The following CWF19L2 variants were observed in gnomAD, a reference collection of about 807,000 sequenced individuals.
CWF19L2 encodes the protein CWF19 like cell cycle control factor 2.
A neutral mutation model predicts 111.7 loss-of-function variants in CWF19L2; 98 were observed. The observed-to-expected ratio is 0.88, with a 90% CI of 0.75 to 1.04. The LOEUF (loss-of-function observed/expected upper bound fraction) is 1.04. Among genes scored for constraint, CWF19L2 ranks in the 50% least tolerant of loss-of-function variants. CWF19L2 has a pLI of 0.00. For synonymous variants in CWF19L2, 351 were observed against 342.9 expected, an observed-to-expected ratio of 1.02 and a Z score of -0.26; for missense variants, 1,101 against 1,051.4, an observed-to-expected ratio of 1.05 and a Z score of -0.65.
At chr11:107,421,177 A>G (rs1301966831) in intron 8 of CWF19L2, among the ~76,000 whole-genome samples, 1 of 152,128 alleles carries the variant, frequency 6.6e-6, no homozygotes, top group African/African-American at 2.4e-5. Context: ...TGGAAACTAA[A>G]TAGCGCAACT....
chr11:107,334,823 AT>A, intron 16 of CWF19L2, 57 bp downstream of exon 16: 4 of 1,081,224 alleles, frequency 3.7e-6, no homozygotes, highest in Non-Finnish European at 4.2e-6. Context: ...AGACATGGAA[AT>A]TAATAAAGAT....
In CWF19L2 at chr11:107,428,895, A is replaced by C. The variant is rs1861418657; in HGVS notation, c.1337T>G (p.Val446Gly). 1 of 1,613,676 alleles carries C rather than the reference A, an allele frequency of 6.2e-7. No individual in the cohort carries two copies. The highest frequency in any genetic ancestry group is 8.5e-7 in the Non-Finnish European group (1 of 1,179,704). ...SETSTDEHQH[V>G]PEDPREKSQD... ...TGATTTTTCTCTTGGGTCTTCTGGA[A>C]CATGTTGGTGTTCATCAGTACTGGT... Residue 446 changes from valine (V) to glycine (G), a missense_variant, in exon 8 of 18, where the codon GTT becomes GGT. By Grantham distance (109) the Val-to-Gly change is moderately radical. Coordinates refer to ENST00000282251, the MANE Select transcript of CWF19L2 (RefSeq NM_152434.3).
At chr11:107,330,916 G>A (rs572248813) in intron 16 of CWF19L2, among the ~76,000 whole-genome samples, 78 of 152,054 alleles carry the variant, frequency 5.1e-4, no homozygotes, top group Non-Finnish European at 9.1e-4. Context: ...TACAAATTGT[G>A]TATTGTGTCC....
chr11:107,411,732 C>A (rs1365135482), intron 10 of CWF19L2, among the ~76,000 whole-genome samples: 1 of 152,050 alleles, frequency 6.6e-6, no homozygotes, highest in Non-Finnish European at 1.5e-5. Context: ...ACATTTAATG[C>A]CCCTTCGGAT....
At chr11:107,371,581 C>T (rs1236363040) in intron 12 of CWF19L2, among the ~76,000 whole-genome samples, 1 of 96,168 alleles carries the variant, frequency 1.0e-5, no homozygotes, top group Non-Finnish European at 2.0e-5. Flanking sequence ...ATTTGTTAAA[C>T]ATGAGGTTCT....
At chr11:107,441,199 A>G (rs75070414) in intron 5 of CWF19L2, among the ~76,000 whole-genome samples, 26 of 152,170 alleles carry the variant, frequency 1.7e-4, no homozygotes, top group Admixed American at 9.2e-4. Context: ...CATGGTGTCT[A>G]ATTCAGTATG....
rs567480368 is a variant in CWF19L2, at chr11:107,446,693, A to G, written c.340-3644T>C. Among the ~76,000 whole-genome samples, 4 of 152,326 alleles carry G rather than the reference A, an allele frequency of 2.6e-5. No individual in the cohort carries two copies. In the East Asian group the frequency reaches 7.7e-4, roughly 29 times the overall value. On this transcript the variant is annotated intron_variant, in intron 3 of 17. Transcript: ENST00000282251. ...ATGTCTAGAACAGTGTCTGGCAAAG[A>G]ATAAGCATTTGATAAATGCAAGCTG...
chr11:107,454,631 G>T, intron 2 of CWF19L2, 59 bp from the exon 3 acceptor site: 5 of 1,161,100 alleles, frequency 4.3e-6, no homozygotes, highest in African/African-American at 1.6e-5. Context: ...TTAAAAGGAT[G>T]TATTCTGAGA....
chr11:107,456,373 C>G (rs1861855385), intron 1 of CWF19L2, among the ~76,000 whole-genome samples: 1 of 152,110 alleles, frequency 6.6e-6, no homozygotes, highest in Non-Finnish European at 1.5e-5. Context: ...CATATCTCTA[C>G]TATAAGATTT....
Position 107,370,654 on chromosome 11 carries a change from T to C in CWF19L2, c.1873-16918A>G, listed in dbSNP as rs974085917. Among the ~76,000 whole-genome samples, 3 of 137,044 alleles carry C rather than the reference T, an allele frequency of 2.2e-5. 1 individual carries two copies. The highest frequency in any genetic ancestry group is 4.7e-5 in the Non-Finnish European group (3 of 64,098). The allele number at this position is 137,044 out of a possible 152,430, so 89.9% of individuals were successfully genotyped here. On this transcript the variant is annotated intron_variant, in intron 12 of 17. Coordinates refer to ENST00000282251, the MANE Select transcript of CWF19L2 (RefSeq NM_152434.3). ...CTTAAACACTGAAAATGGAAGTGGA[T>C]ATTTCAGATGCCATAAATAGCATGA...
At chr11:107,332,925 G>A (rs1859870853) in intron 16 of CWF19L2, among the ~76,000 whole-genome samples, 1 of 152,032 alleles carries the variant, frequency 6.6e-6, no homozygotes, top group East Asian at 1.9e-4. Flanking sequence ...TTCGAGACCA[G>A]CCTGACCAAC....
intron 16 of CWF19L2, among the ~76,000 whole-genome samples, chr11:107,333,688 T>C (rs994210693): frequency 2.6e-5 from 4 of 152,212 alleles, no homozygotes; most frequent in Admixed American, 6.5e-5. Flanking sequence ...TAGATAATGT[T>C]GTACCTCTAA....
intron 12 of CWF19L2, among the ~76,000 whole-genome samples, chr11:107,357,385 T>C (rs1860254138): frequency 6.6e-6 from 1 of 152,224 alleles, no homozygotes; most frequent in Non-Finnish European, 1.5e-5. Context: ...CCAAAATATA[T>C]TAACAGGAGC....
Position 107,390,124 on chromosome 11 carries a change from T to A in CWF19L2, c.1822A>T (p.Met608Leu), listed in dbSNP as rs1197544774. The change falls in exon 12 of 18, where the codon ATG becomes TTG. Residue 608 changes from methionine to leucine, a missense_variant. By Grantham distance (15) the Met-to-Leu change is conservative. Transcript: ENST00000282251. ...SLNDLVKNEK[M>L]GTAENQNKLF... ...TTGTTTTGATTTTCTGCTGTTCCCA[T>A]CTTTTCATTTTTGACTAAATCATTT... The A allele has an allele frequency of 1.2e-6, 2 of 1,613,010 alleles. No individual in the cohort carries two copies. Among genetic ancestry groups the A allele is most frequent in the Middle Eastern group, 1.7e-4 (1 of 6,044 alleles).
At chr11:107,359,754 C>A (rs193289258) in intron 12 of CWF19L2, among the ~76,000 whole-genome samples, 1 of 151,444 alleles carries the variant, frequency 6.6e-6, no homozygotes, top group South Asian at 2.1e-4. Context: ...ACCCCATCTA[C>A]ATTTTACAAA....
chr11:107,411,089 G>GCGCGCACACACA (rs1491125517), intron 10 of CWF19L2, among the ~76,000 whole-genome samples: 4 of 148,692 alleles, frequency 2.7e-5, no homozygotes, highest in African/African-American at 1.0e-4. Context: ...GCGCGTGCGT[G>GCGCGCACACACA]CACACACACA....
chr11:107,388,044 T>C (rs1162100295), intron 12 of CWF19L2, among the ~76,000 whole-genome samples: 1 of 152,176 alleles, frequency 6.6e-6, no homozygotes. Context: ...CTGTTTCTTC[T>C]ACTTGAAATA....
intron 17 of CWF19L2, among the ~76,000 whole-genome samples, chr11:107,328,195 G>A (rs545248590): frequency 2.2e-4 from 33 of 150,948 alleles, no homozygotes; most frequent in African/African-American, 7.1e-4. Context: ...ATGCTTCATG[G>A]AAAAGGGAAT....
intron 1 of CWF19L2, among the ~76,000 whole-genome samples, chr11:107,457,297 A>T (rs968861600): frequency 6.6e-6 from 1 of 152,212 alleles, no homozygotes; most frequent in Non-Finnish European, 1.5e-5. Flanking sequence ...AACTGAGTCT[A>T]TTCAAGTGTG....
Sources: gnomAD v4.1 joint callset for allele counts (sites outside exome capture counted in the v4.1 genomes callset) on GRCh38, gnomAD v4.1.1 for gene constraint, MANE v1.5 for transcripts, NCBI Gene and HGNC (gene_info 2026-07-23, HGNC 2026-07-21) for gene names.